ME1: variants seen among roughly 807,000 people sequenced by gnomAD.
ME1 encodes the protein malic enzyme 1.
Under a neutral mutation model 66.4 loss-of-function variants are expected in ME1, and 74 were observed. The ratio of observed to expected loss-of-function variants is 1.11; its 90% CI spans 0.92 to 1.35. ME1 has a LOEUF of 1.35. Among genes scored for constraint, ME1 ranks in the 40% most tolerant of loss-of-function variants. The pLI is 0.00. For missense variants in ME1, 750 were observed against 694.1 expected, an observed-to-expected ratio of 1.08 and a Z score of -0.90; for synonymous variants, 251 against 235.6, an observed-to-expected ratio of 1.07 and a Z score of -0.60.
chr6:83,425,636 C>G (rs1433692764), intron 1 of ME1, among the ~76,000 whole-genome samples: 1 of 152,138 alleles, frequency 6.6e-6, no homozygotes, highest in Non-Finnish European at 1.5e-5. Flanking sequence ...CTGGGTCCCT[C>G]CCACAACACA....
intron 7 of ME1, among the ~76,000 whole-genome samples, chr6:83,242,173 T>C (rs1275021108): frequency 1.3e-5 from 2 of 152,164 alleles, no homozygotes; most frequent in African/African-American, 2.4e-5. Flanking sequence ...GCCTGTACTA[T>C]CAGTTTTAAA....
intron 6 of ME1, among the ~76,000 whole-genome samples, chr6:83,296,689 A>C (rs1211807462): frequency 1.3e-5 from 2 of 152,186 alleles, no homozygotes; most frequent in Non-Finnish European, 2.9e-5. Context: ...AAGAGAAAGA[A>C]ATAAAGGCAT....
intron 3 of ME1, among the ~76,000 whole-genome samples, chr6:83,395,675 C>A (rs1033446354): frequency 1.3e-5 from 2 of 151,522 alleles, no homozygotes; most frequent in Admixed American, 1.3e-4. Flanking sequence ...GGGGTTTCAC[C>A]ATGTTGGTCA....
rs140315692 is a variant in ME1 at position 83,406,913 on chromosome 6, A to G, written c.212+855T>C. On this transcript the variant is annotated intron_variant, in intron 2 of 13. Coordinates refer to ENST00000369705, the MANE Select transcript of ME1 (RefSeq NM_002395.6). Reference sequence around the variant, plus strand: ...CCTACCTGAAGATTTTGGATTTAACAAGCCTTCTCCCTCTCCTTCTTTCTC... The same window carrying G: ...CCTACCTGAAGATTTTGGATTTAACGAGCCTTCTCCCTCTCCTTCTTTCTC... Among the ~76,000 whole-genome samples, 1,440 of 151,284 alleles carry G rather than the reference A, an allele frequency of 9.5e-3. 99 individuals are homozygous for G. Among genetic ancestry groups the G allele is most frequent in the Admixed American group, 0.087 (1,311 of 15,070 alleles).
At chr6:83,371,022 T>G (rs987731420) in intron 3 of ME1, among the ~76,000 whole-genome samples, 12 of 152,192 alleles carry the variant, frequency 7.9e-5, no homozygotes, top group African/African-American at 2.9e-4. Context: ...TGCCCCAATG[T>G]TCACATGAAA....
At chr6:83,273,976 G>C (rs1767131363) in intron 6 of ME1, among the ~76,000 whole-genome samples, 1 of 152,094 alleles carries the variant, frequency 6.6e-6, no homozygotes, top group African/African-American at 2.4e-5. Flanking sequence ...GATTCACTAT[G>C]TTTGGCCCTA....
At chr6:83,348,230 A>T (rs2128544063) in intron 4 of ME1, among the ~76,000 whole-genome samples, 1 of 152,336 alleles carries the variant, frequency 6.6e-6, no homozygotes, top group East Asian at 1.9e-4. Flanking sequence ...AAAAAAGATA[A>T]ATACTGCAGA....
Position 83,429,046 on chromosome 6 carries a change from G to A in ME1, c.78+1831C>T, listed in dbSNP as rs142750962. Among the ~76,000 whole-genome samples, 1,107 of 152,156 alleles carry A rather than the reference G, an allele frequency of 7.3e-3. 12 individuals carry two copies. The highest frequency in any genetic ancestry group is 0.025 in the African/African-American group (1,034 of 41,506). ...TGGGAGGCTGAGGCGGGTGGATCACGAAGCCAGGAGATCGAGACAATCCTG... is the reference window on the plus strand; with the variant it reads ...TGGGAGGCTGAGGCGGGTGGATCACAAAGCCAGGAGATCGAGACAATCCTG... On this transcript the variant is annotated intron_variant, in intron 1 of 13. Coordinates refer to ENST00000369705, the MANE Select transcript of ME1 (RefSeq NM_002395.6).
At chr6:83,278,000 A>T (rs1231679346) in intron 6 of ME1, among the ~76,000 whole-genome samples, 1 of 151,954 alleles carries the variant, frequency 6.6e-6, no homozygotes, top group African/African-American at 2.4e-5. Flanking sequence ...GAACCCTAGA[A>T]TTCTGAATCT....
intron 1 of ME1, among the ~76,000 whole-genome samples, chr6:83,411,020 A>G (rs1770039642): frequency 6.6e-6 from 1 of 152,232 alleles, no homozygotes. Flanking sequence ...AACAACAGCA[A>G]CAAAACCTAG....
At chr6:83,297,933 G>A (rs1210810528) in intron 6 of ME1, among the ~76,000 whole-genome samples, 4 of 152,148 alleles carry the variant, frequency 2.6e-5, no homozygotes, top group Admixed American at 6.5e-5. Flanking sequence ...TGGTGTGTAT[G>A]TACCACATTT....
intron 6 of ME1, among the ~76,000 whole-genome samples, chr6:83,303,678 T>C (rs1282325236): frequency 2.9e-5 from 4 of 137,018 alleles, no homozygotes; most frequent in African/African-American, 9.0e-5. Flanking sequence ...GTCCTGAATG[T>C]TGAAACAAAA....
chr6:83,388,091 C>CTTTCTTTTTTTTTT (rs71545856), intron 3 of ME1, among the ~76,000 whole-genome samples: 9 of 133,402 alleles, frequency 6.7e-5, no homozygotes, highest in African/African-American at 2.5e-4. Flanking sequence ...TCCTTCCTTC[C>CTTTCTTTTTTTTTT]TTTTTTTTTT....
chr6:83,266,736 G>A (rs1366470975), intron 6 of ME1, among the ~76,000 whole-genome samples: 1 of 152,148 alleles, frequency 6.6e-6, no homozygotes, highest in African/African-American at 2.4e-5. Context: ...CGGTATGGGT[G>A]CAATTACCTG....
intron 6 of ME1, among the ~76,000 whole-genome samples, chr6:83,255,671 T>A (rs1766751746): frequency 1.3e-5 from 2 of 152,120 alleles, no homozygotes; most frequent in Admixed American, 1.3e-4. Context: ...TATTTAACAG[T>A]CCATCCTTCT....
chr6:83,235,364 A>C (rs1790379841), intron 9 of ME1, among the ~76,000 whole-genome samples: 1 of 152,218 alleles, frequency 6.6e-6, no homozygotes, highest in Non-Finnish European at 1.5e-5. Flanking sequence ...CACCCGATCC[A>C]TAGGTGGTTT....
At chr6:83,383,094 G>C (rs1769437271) in intron 3 of ME1, among the ~76,000 whole-genome samples, 1 of 151,620 alleles carries the variant, frequency 6.6e-6, no homozygotes, top group Admixed American at 6.6e-5. Flanking sequence ...AGCCTCATGG[G>C]ACAACTCCTT....
At chr6:83,321,258 G>T (rs941054126) in intron 5 of ME1, among the ~76,000 whole-genome samples, 1 of 152,118 alleles carries the variant, frequency 6.6e-6, no homozygotes, top group African/African-American at 2.4e-5. Context: ...CTAGCTGCAG[G>T]AGTTTTTTTT....
At chr6:83,244,931 T>G (rs1484811511) in intron 7 of ME1, among the ~76,000 whole-genome samples, 1 of 151,858 alleles carries the variant, frequency 6.6e-6, no homozygotes, top group Non-Finnish European at 1.5e-5. Context: ...AGAACAAAGG[T>G]CAATCAAGAA....
Sources: gnomAD v4.1 joint callset for allele counts (sites outside exome capture counted in the v4.1 genomes callset) on GRCh38, gnomAD v4.1.1 for gene constraint, MANE v1.5 for transcripts, NCBI Gene and HGNC (gene_info 2026-07-23, HGNC 2026-07-21) for gene names.